The following MYL3 variants were observed in gnomAD, a reference collection of about 807,000 sequenced individuals.
MYL3 encodes myosin light chain 3.
Under a neutral mutation model 21.3 loss-of-function variants are expected in MYL3, and 11 were observed. The observed-to-expected ratio is 0.52, with a 90% confidence interval of 0.32 to 0.85. The LOEUF is 0.85. Ranked by LOEUF, MYL3 falls within the 40% of genes least tolerant of loss-of-function variation. The pLI, the probability that MYL3 is intolerant of heterozygous loss-of-function variation, is 0.03. For synonymous variants in MYL3, 88 were observed against 91.6 expected (o/e 0.96, Z 0.22); for missense variants, 206 against 253.3 (o/e 0.81, Z 1.27).
At chr3:46,863,471 A>G, upstream of MYL3, 3 of 1,506,222 alleles carry the variant, frequency 2.0e-6, no homozygotes, top group Non-Finnish European at 2.7e-6. Flanking sequence ...CCAGGCCTTT[A>G]TCCTGCCCGG....
chr3:46,881,797 C>A (rs1026816982), intron 1 of MYL3, among the ~76,000 whole-genome samples: 2 of 152,056 alleles, frequency 1.3e-5, no homozygotes, highest in African/African-American at 4.8e-5. Context: ...CCCAGGGACC[C>A]CGACCCGGCC....
upstream of MYL3, chr3:46,863,622 C>G: frequency 1.9e-6 from 1 of 537,310 alleles, no homozygotes; most frequent in Non-Finnish European, 3.4e-6. Flanking sequence ...GGAGGGATCT[C>G]CATTCCTCCC....
At chr3:46,877,585 TG>T (rs1176881166) in intron 1 of MYL3, among the ~76,000 whole-genome samples, 2 of 152,216 alleles carry the variant, frequency 1.3e-5, no homozygotes, top group Non-Finnish European at 2.9e-5. Context: ...CCGGCACACT[TG>T]GATCTGCCTC....
chr3:46,878,360 AGAGAGGTCTGGG>A (rs1042404021), intron 1 of MYL3, among the ~76,000 whole-genome samples: 4 of 152,058 alleles, frequency 2.6e-5, no homozygotes, highest in African/African-American at 7.3e-5. Flanking sequence ...CTAGAAGCCG[AGAGAGGTCTGGG>A]GTTGAGGGCT....
chr3:46,872,331 A>C (rs900351565), intron 1 of MYL3, among the ~76,000 whole-genome samples: 1 of 152,160 alleles, frequency 6.6e-6, no homozygotes, highest in Non-Finnish European at 1.5e-5. Context: ...CCTGCCTAAC[A>C]GTGAGCCCAT....
intron 1 of MYL3, among the ~76,000 whole-genome samples, chr3:46,870,037 C>T (rs1338522374): frequency 6.6e-6 from 1 of 151,532 alleles, no homozygotes; most frequent in East Asian, 1.9e-4. Flanking sequence ...TGGAGAGAGA[C>T]AGAGAAAGAG....
chr3:46,863,978 A>C (rs1440411583), upstream of MYL3, among the ~76,000 whole-genome samples: 2 of 150,092 alleles, frequency 1.3e-5, no homozygotes, highest in African/African-American at 4.9e-5. Context: ...CGGGGTGTCT[A>C]TGTGTCTGTG....
intron 1 of MYL3, among the ~76,000 whole-genome samples, chr3:46,876,983 G>A (rs575667531): frequency 6.6e-6 from 1 of 152,274 alleles, no homozygotes; most frequent in Admixed American, 6.5e-5. Context: ...TCGTTCTACA[G>A]ACCCACAGAG....
At chr3:46,881,363 G>T (rs933737727) in intron 1 of MYL3, among the ~76,000 whole-genome samples, 2 of 152,152 alleles carry the variant, frequency 1.3e-5, no homozygotes, top group Non-Finnish European at 2.9e-5. Flanking sequence ...CCCAACCCCC[G>T]CGGACTCCTC....
At chr3:46,880,872 A>C (rs1444284464) in intron 1 of MYL3, among the ~76,000 whole-genome samples, 2 of 152,226 alleles carry the variant, frequency 1.3e-5, no homozygotes, top group African/African-American at 4.8e-5. Flanking sequence ...CCTAGGCCTT[A>C]GGACTTGGGC....
intron 1 of MYL3, among the ~76,000 whole-genome samples, chr3:46,876,642 C>A (rs2106930062): frequency 6.6e-6 from 1 of 152,326 alleles, no homozygotes; most frequent in South Asian, 2.1e-4. Context: ...GAGTGGTACC[C>A]TCCCCAGGAG....
Position 46,873,309 on chromosome 3 carries a change from C to T in MYL3, c.-217-6709G>A, listed in dbSNP as rs562052518. ...GGGTTCAGGGAATGGGAACACAGGGCAGTGGGGCCAGGCAGGGAGTTGGCT... is the reference window on the plus strand; with the variant it reads ...GGGTTCAGGGAATGGGAACACAGGGTAGTGGGGCCAGGCAGGGAGTTGGCT... On this transcript the variant is annotated intron_variant, in intron 1 of 3. Transcript: ENST00000431168. Among the ~76,000 whole-genome samples the T allele has an allele frequency of 2.4e-4, 37 of 152,328 alleles. 1 individual carries two copies. In the South Asian group the frequency reaches 7.5e-3, roughly 31 times the overall value.
chr3:46,863,353 G>A lies in MYL3; in HGVS notation c.38C>T (p.Ala13Val). 1.2e-6 allele frequency: 2 copies of A among 1,613,816 alleles called. No individual in the cohort carries two copies. Among genetic ancestry groups the A allele is most frequent in the Non-Finnish European group, 1.7e-6 (2 of 1,180,004 alleles). ...PKKPEPKKDD[A>V]KAAPKAAPAP... ...TGGAGCTGCCTTGGGGGCTGCCTTGGCATCATCCTTCTTGGGCTCTGGCTT... is the reference window on the plus strand; with the variant it reads ...TGGAGCTGCCTTGGGGGCTGCCTTGACATCATCCTTCTTGGGCTCTGGCTT... The change falls in exon 1 of 7, where the codon GCC becomes GTC. Residue 13 changes from alanine (A) to valine (V), a missense_variant. Physicochemically the swap from Ala to Val is moderately conservative, Grantham distance 64 (BLOSUM62 0). Transcript: ENST00000292327.
In MYL3 at chr3:46,875,932, C is replaced by G. The variant is rs558750296; in HGVS notation, c.-218+6142G>C. ...TCTCCCCCTACCTCTTCCCCAGAAC[C>G]CAGGACCAAAATACAACTTCCTGTC... On this transcript the variant is annotated intron_variant, in intron 1 of 3. Transcript: ENST00000431168. Among the ~76,000 whole-genome samples, 8 of 152,372 alleles carry G rather than the reference C, an allele frequency of 5.3e-5. No individual in the cohort carries two copies. In the South Asian group the frequency reaches 1.7e-3, roughly 32 times the overall value.
upstream of MYL3, among the ~76,000 whole-genome samples, chr3:46,868,235 G>A (rs1297611466): frequency 2.0e-5 from 3 of 152,128 alleles, no homozygotes; most frequent in Admixed American, 6.6e-5. Context: ...CCTGTGACCC[G>A]GGCTGGTCCC....
At chr3:46,869,765 G>C (rs760057680) in intron 1 of MYL3, among the ~76,000 whole-genome samples, 3 of 152,212 alleles carry the variant, frequency 2.0e-5, no homozygotes, top group African/African-American at 7.2e-5. Context: ...TGGGGAAGGG[G>C]CATGTGGACA....
chr3:46,860,614 C>G lies in MYL3; in HGVS notation c.307+62G>C. 6.3e-7 allele frequency: 1 copy of G among 1,599,116 alleles called. No homozygotes were observed. The highest frequency in any genetic ancestry group is 8.5e-7 in the Non-Finnish European group (1 of 1,176,028). ...TCGTGCTATCCCGCAGGATGGATGGCAGCCCACCCAGCCAGTCTCCCCGGT... is the reference window on the plus strand; with the variant it reads ...TCGTGCTATCCCGCAGGATGGATGGGAGCCCACCCAGCCAGTCTCCCCGGT... On this transcript the variant is annotated intron_variant, in intron 3 of 6. Transcript: ENST00000292327. This position sits in a 1 kb window ranked among gnomAD's most constrained non-coding sequence, Gnocchi z 4.6.
upstream of MYL3, among the ~76,000 whole-genome samples, chr3:46,864,166 C>T (rs1357085556): frequency 2.6e-5 from 4 of 151,400 alleles, no homozygotes; most frequent in Non-Finnish European, 5.9e-5. This position sits in a 1 kb window ranked among gnomAD's most constrained non-coding sequence, Gnocchi z 4.7. Flanking sequence ...TTTATGTGTG[C>T]GTGGTGTGTC....
In MYL3 at chr3:46,861,280, G is replaced by C. The variant is rs1223074888; in HGVS notation, c.130-293C>G. Among the ~76,000 whole-genome samples, 2 of 152,220 alleles carry C rather than the reference G, an allele frequency of 1.3e-5. No homozygotes were observed. The highest frequency in any genetic ancestry group is 4.8e-5 in the African/African-American group (2 of 41,460). Reference sequence around the variant, plus strand: ...GGGAGGCCACATGCCCAAGGCCTCAGGCCAGCGTGGGCCTTACCTGATGCT... The same window carrying C: ...GGGAGGCCACATGCCCAAGGCCTCACGCCAGCGTGGGCCTTACCTGATGCT... On this transcript the variant is annotated intron_variant, in intron 1 of 6. Transcript: ENST00000292327. The surrounding 1 kb of genome is among the most constrained non-coding windows in gnomAD (Gnocchi z 4.2).
Sources: allele counts gnomAD v4.1 joint callset (sites outside exome capture counted in the v4.1 genomes callset), GRCh38; gene constraint gnomAD v4.1.1; non-coding constraint Gnocchi (gnomAD v3.1); transcripts MANE v1.5; gene names NCBI Gene and HGNC (gene_info 2026-07-23, HGNC 2026-07-21).